Variants in DOP1A observed in about 807,000 individuals in gnomAD.
DOP1A encodes the protein protein DOP1A.
DOP1A carries 90 observed loss-of-function variants against 267.6 expected under a neutral mutation model. That is an observed-to-expected ratio of 0.34 (90% CI 0.28 to 0.40). DOP1A has a LOEUF of 0.40. Ranked by LOEUF, DOP1A falls within the 10% of genes least tolerant of loss-of-function variation. The pLI is 1.00. For missense variants in DOP1A, 2,437 were observed against 2,900.4 expected, an observed-to-expected ratio of 0.84 and a Z score of 3.67; for synonymous variants, 932 against 999.1, an observed-to-expected ratio of 0.93 and a Z score of 1.27.
At position 83,118,935 on chromosome 6, in the gene DOP1A, A is replaced by G. The variant is rs755794105; in HGVS notation, c.828A>G (p.Val276=). 1.5e-5 allele frequency: 24 copies of G among 1,613,532 alleles called. No individual in the cohort carries two copies. The highest frequency in any genetic ancestry group is 1.7e-5 in the Non-Finnish European group (20 of 1,179,674). Residue 276 remains valine (V), a synonymous_variant, in exon 8 of 39, where the codon GTA becomes GTG. Coordinates refer to ENST00000349129, the MANE Select transcript of DOP1A (RefSeq NM_015018.4). ...MIRILSAALH[V]VLRRDMSLNR... ...GGATCTTGTCAGCAGCCCTTCATGTAGTGCTAAGGAGGGATATGTCTCTGA... is the reference window on the plus strand; with the variant it reads ...GGATCTTGTCAGCAGCCCTTCATGTGGTGCTAAGGAGGGATATGTCTCTGA...
intron 1 of DOP1A, among the ~76,000 whole-genome samples, chr6:83,078,559 T>G (rs1767534068): frequency 6.6e-6 from 1 of 152,116 alleles, no homozygotes; most frequent in Admixed American, 6.5e-5. Flanking sequence ...AAGTACAAAC[T>G]TGTGTAATTA....
Position 83,102,509 on chromosome 6 carries a change from T to C in DOP1A, c.320+1623T>C, listed in dbSNP as rs566207963. ...GCAATGGGCAACTTACAGTAAGTTC[T>C]TAATACATGTTAGCTACTATTCTGA... On this transcript the variant is annotated intron_variant, in intron 4 of 38. Coordinates refer to ENST00000349129, the MANE Select transcript of DOP1A (RefSeq NM_015018.4). Among the ~76,000 whole-genome samples, 23 of 152,356 alleles carry C rather than the reference T, an allele frequency of 1.5e-4. No homozygotes were observed. The South Asian group carries it at 2.5e-3, about 16-fold the overall frequency.
At chr6:83,071,660 A>C (rs953970603) in intron 1 of DOP1A, among the ~76,000 whole-genome samples, 2 of 152,200 alleles carry the variant, frequency 1.3e-5, no homozygotes, top group African/African-American at 4.8e-5. Context: ...ATTGAGAAAC[A>C]AAGCCTTAAT....
intron 1 of DOP1A, 71 bp downstream of exon 1, chr6:83,067,850 C>T (rs1018832869): frequency 3.3e-5 from 5 of 152,316 alleles, no homozygotes; most frequent in Admixed American, 3.3e-4. Context: ...CTCGGCCCGG[C>T]TAGGTCCTGA....
At chr6:83,147,398 GT>G (rs1024902769) in intron 26 of DOP1A, 107 bp downstream of exon 26, 154 of 482,480 alleles carry the variant, frequency 3.2e-4, no homozygotes, top group Middle Eastern at 5.4e-4. Context: ...ACCCAGCCAT[GT>G]ATATCCTACA....
intron 4 of DOP1A, among the ~76,000 whole-genome samples, 171 bp downstream of exon 4, chr6:83,101,057 C>A (rs1772481139): frequency 6.6e-6 from 1 of 152,088 alleles, no homozygotes; most frequent in South Asian, 2.1e-4. Context: ...GCTCTGTCAC[C>A]CAGGCTGGAG....
chr6:83,073,395 C>G (rs1785946379), intron 1 of DOP1A, among the ~76,000 whole-genome samples: 2 of 152,088 alleles, frequency 1.3e-5, no homozygotes. Flanking sequence ...GCCAGCAGTT[C>G]ACTTTTGAGC....
intron 27 of DOP1A, 105 bp downstream of exon 27, chr6:83,148,968 C>T (rs376897205): frequency 1.6e-6 from 1 of 630,966 alleles, no homozygotes; most frequent in Non-Finnish European, 2.5e-6. Context: ...ATCTCTCTAC[C>T]TTCTCATAGT....
rs183768042 is a variant in DOP1A at position 83,069,684 on chromosome 6, A to T, written c.-147+1905A>T. Among the ~76,000 whole-genome samples the T allele has an allele frequency of 9.2e-5, 14 of 152,294 alleles. No individual in the cohort carries two copies. In the East Asian group the frequency reaches 1.9e-3, roughly 21 times the overall value. ...AGTTCCCATGAGTCTTAATGCTTTA[A>T]TTATTGGCAGAAGACTTATCTTATT... On this transcript the variant is annotated intron_variant, in intron 1 of 38. Transcript: ENST00000349129.
At position 83,151,950 on chromosome 6, in the gene DOP1A, G is replaced by T; in HGVS notation, c.5972G>T (p.Trp1991Leu). ...IAGSSLEQTT[W>L]LRRNLEVKPS... ...GGTTCTTCTCTGGAACAGACAACATGGCTGCGACGAAATCTTGAAGTTAAG... is the reference window on the plus strand; with the variant it reads ...GGTTCTTCTCTGGAACAGACAACATTGCTGCGACGAAATCTTGAAGTTAAG... Residue 1991 changes from tryptophan to leucine, a missense_variant, in exon 29 of 39, where the codon TGG (tryptophan) becomes TTG (leucine). Trp to Leu is a moderately conservative substitution (Grantham distance 61). Around this residue, in one of 9 missense-constraint regions of DOP1A, gnomAD observed 216 missense variants for 283.3 expected, o/e 0.76. Transcript: ENST00000349129. 1 of 1,613,854 alleles carries T rather than the reference G, an allele frequency of 6.2e-7. No homozygotes were observed. The highest frequency in any genetic ancestry group is 8.5e-7 in the Non-Finnish European group (1 of 1,179,864).
At chr6:83,167,556 C>T (rs1786069843) in intron 38 of DOP1A, 1 of 1,059,258 alleles carries the variant, frequency 9.4e-7, no homozygotes, top group South Asian at 4.4e-5. Flanking sequence ...TGAGTAAATA[C>T]AAAGCACAAC....
In DOP1A at chr6:83,120,775, G is replaced by A; in HGVS notation, c.1083G>A (p.Leu361=). ...CTTTTCGCATTTTAATCAGTTTACT[G>A]GACAAACCTGAGCTAGGTAATGTAT... ...LKPFRILISL[L]DKPELGPVIL... Residue 361 remains leucine, a synonymous_variant, in exon 10 of 39, where the codon CTG becomes CTA. Coordinates refer to ENST00000349129, the MANE Select transcript of DOP1A (RefSeq NM_015018.4). 1 of 1,571,536 alleles carries A rather than the reference G, an allele frequency of 6.4e-7. No homozygotes were observed. Among genetic ancestry groups the A allele is most frequent in the Non-Finnish European group, 8.7e-7 (1 of 1,150,384 alleles).
intron 1 of DOP1A, among the ~76,000 whole-genome samples, chr6:83,092,379 A>T (rs1335917510): frequency 2.0e-5 from 3 of 152,206 alleles, no homozygotes; most frequent in African/African-American, 7.2e-5. Context: ...CTGGTAGGAA[A>T]ATTGCATAGC....
chr6:83,108,863 G>A, intron 4 of DOP1A, 47 bp from the exon 5 acceptor site: 2 of 1,525,746 alleles, frequency 1.3e-6, no homozygotes, highest in East Asian at 2.3e-5. Context: ...AATTAATATT[G>A]TATAGTTATT....
intron 1 of DOP1A, among the ~76,000 whole-genome samples, chr6:83,095,581 A>C (rs1394291426): frequency 6.6e-6 from 1 of 152,202 alleles, no homozygotes; most frequent in African/African-American, 2.4e-5. Context: ...AAGGGGAGCC[A>C]CATTGGTTTT....
At chr6:83,108,590 G>A (rs1925784) in intron 4 of DOP1A, among the ~76,000 whole-genome samples, 137 of 152,304 alleles carry the variant, frequency 9.0e-4, no homozygotes, top group African/African-American at 3.2e-3. Flanking sequence ...AGATAGTGAT[G>A]CCATATTTTG....
intron 4 of DOP1A, among the ~76,000 whole-genome samples, chr6:83,102,600 A>G (rs557338534): frequency 6.6e-6 from 1 of 152,182 alleles, no homozygotes; most frequent in African/African-American, 2.4e-5. Context: ...AGTAAGCATC[A>G]TCTCTAGCTC....
intron 24 of DOP1A, among the ~76,000 whole-genome samples, chr6:83,142,434 G>A (rs1345325800): frequency 2.6e-5 from 4 of 152,060 alleles, no homozygotes; most frequent in Non-Finnish European, 5.9e-5. Flanking sequence ...CTTGAACCTG[G>A]GAGGCGGAGG....
intron 29 of DOP1A, 110 bp from the exon 30 acceptor site, chr6:83,152,172 TATATAC>T (rs1035058785): frequency 3.2e-5 from 27 of 853,794 alleles, no homozygotes; most frequent in African/African-American, 8.8e-5. Context: ...GAAAAATATA[TATATAC>T]ATATACATAT....
Sources: gnomAD v4.1 joint callset for allele counts (sites outside exome capture counted in the v4.1 genomes callset) on GRCh38, gnomAD v4.1.1 for gene constraint, gnomAD v4.1.1 regional missense constraint, MANE v1.5 for transcripts, NCBI Gene and HGNC (gene_info 2026-07-23, HGNC 2026-07-21) for gene names.